Variants in FRMD4A observed in about 807,000 individuals in gnomAD.
The protein encoded by FRMD4A is FERM domain containing 4A, also known as FERM domain-containing protein 4A.
FRMD4A carries 29 observed loss-of-function variants against 129.1 expected under a neutral mutation model. The observed-to-expected ratio is 0.22, with a 90% CI of 0.17 to 0.31. FRMD4A has a LOEUF of 0.31. FRMD4A is among the 10% of genes least tolerant of loss of function. The pLI is 1.00. For missense variants in FRMD4A, 1,272 were observed against 1,375.8 expected, an observed-to-expected ratio of 0.92 and a Z score of 1.19; for synonymous variants, 634 against 571.6, an observed-to-expected ratio of 1.11 and a Z score of -1.56.
chr10:13,936,643 C>T (rs2095251488), intron 2 of FRMD4A, among the ~76,000 whole-genome samples: 1 of 152,268 alleles, frequency 6.6e-6, no homozygotes, highest in African/African-American at 2.4e-5. Flanking sequence ...CCAAATCTAC[C>T]CCCACCTTGA....
At position 14,152,372 on chromosome 10, in the gene FRMD4A, C is replaced by T. The variant is rs183374602; in HGVS notation, c.45+177686G>A. On this transcript the variant is annotated intron_variant, in intron 2 of 24. Transcript: ENST00000357447. The stretch of plus-strand genomic sequence containing the variant: ...CTCGATCTCCCGACAACGTAATCCG[C>T]CCACCTCAGCCTCCCAAAGTGCTGG... 4.6e-5 allele frequency among the ~76,000 whole-genome samples: 7 copies of T among 152,218 alleles called. No homozygotes were observed. The East Asian group carries it at 5.8e-4, about 13-fold the overall frequency.
In FRMD4A at chr10:14,292,799, C is replaced by CAA. The variant is rs149436368; in HGVS notation, c.45+37257_45+37258dup. ...TGGGCGACAGAGCGAGACTCTGCCT[C>CAA]AAAAAAAAAACCAAAACATTTTTTA... On this transcript the variant is annotated intron_variant, in intron 2 of 24. Coordinates refer to ENST00000357447, the MANE Select transcript of FRMD4A (RefSeq NM_018027.5). Among the ~76,000 whole-genome samples, 4 of 145,594 alleles carry CAA rather than the reference C, an allele frequency of 2.7e-5. No individual in the cohort carries two copies. The East Asian group carries it at 8.0e-4, about 29-fold the overall frequency.
intron 19 of FRMD4A, among the ~76,000 whole-genome samples, chr10:13,661,111 C>T (rs1589249570): frequency 6.6e-6 from 1 of 152,220 alleles, no homozygotes; most frequent in Middle Eastern, 3.4e-3. Context: ...TGCTTTTTTC[C>T]CCCAGAGCTG....
In FRMD4A at chr10:14,064,239, T is replaced by C. The variant is rs541274316; in HGVS notation, c.46-205327A>G. Among the ~76,000 whole-genome samples the C allele has an allele frequency of 2.0e-5, 3 of 152,346 alleles. No individual in the cohort carries two copies. In the South Asian group the frequency reaches 6.2e-4, roughly 32 times the overall value. The stretch of plus-strand genomic sequence containing the variant: ...ATACTGAGGTCCTGAAAATAGGCTA[T>C]TTTTATATTGATGTTTTCCGTAACT... On this transcript the variant is annotated intron_variant, in intron 2 of 24. Transcript: ENST00000357447.
intron 2 of FRMD4A, among the ~76,000 whole-genome samples, chr10:13,986,588 G>A (rs2095582233): frequency 6.8e-6 from 1 of 146,318 alleles, no homozygotes; most frequent in African/African-American, 2.5e-5. Flanking sequence ...CATGGCACAT[G>A]TATACATATG....
intron 2 of FRMD4A, among the ~76,000 whole-genome samples, chr10:13,951,210 G>T (rs1222952701): frequency 6.6e-6 from 1 of 152,160 alleles, no homozygotes; most frequent in Non-Finnish European, 1.5e-5. Context: ...ATCCTTCGGG[G>T]AAGGAGGGAC....
chr10:13,878,772 A>AAG (rs556625550), intron 2 of FRMD4A, among the ~76,000 whole-genome samples: 5 of 134,104 alleles, frequency 3.7e-5, no homozygotes, highest in South Asian at 5.3e-4. Context: ...AAAGAAAAGA[A>AAG]AGAGAGAGAG....
At chr10:13,713,960 T>C (rs528637725) in intron 12 of FRMD4A, among the ~76,000 whole-genome samples, 1 of 120,340 alleles carries the variant, frequency 8.3e-6, no homozygotes, top group Admixed American at 9.6e-5. Context: ...CACACACATA[T>C]ATAATATATA....
At chr10:14,088,918 G>A (rs796689038) in intron 2 of FRMD4A, among the ~76,000 whole-genome samples, 16 of 152,300 alleles carry the variant, frequency 1.1e-4, no homozygotes, top group African/African-American at 3.8e-4. Context: ...AGGTGTGGAG[G>A]AGCAGGGGCG....
intron 2 of FRMD4A, among the ~76,000 whole-genome samples, chr10:14,159,314 T>C (rs781400727): frequency 1.3e-5 from 2 of 152,188 alleles, no homozygotes; most frequent in African/African-American, 2.4e-5. Flanking sequence ...AGCATTTCTA[T>C]ATGCCAATAA....
At chr10:14,089,110 G>A (rs1305578241) in intron 2 of FRMD4A, among the ~76,000 whole-genome samples, 2 of 152,182 alleles carry the variant, frequency 1.3e-5, no homozygotes, top group Non-Finnish European at 2.9e-5. Context: ...TTGGCCCAGT[G>A]ATGATAAAAT....
At chr10:14,161,849 G>A (rs1168003490) in intron 2 of FRMD4A, among the ~76,000 whole-genome samples, 1 of 152,054 alleles carries the variant, frequency 6.6e-6, no homozygotes. Flanking sequence ...TCAAGGTGAT[G>A]GACCCCCTAA....
intron 2 of FRMD4A, among the ~76,000 whole-genome samples, chr10:14,077,237 A>G (rs949523171): frequency 3.3e-5 from 5 of 152,150 alleles, no homozygotes; most frequent in African/African-American, 1.2e-4. Context: ...GCATTATAAG[A>G]ATTATATTTT....
intron 24 of FRMD4A, among the ~76,000 whole-genome samples, chr10:13,649,064 A>T (rs1266918827): frequency 6.6e-6 from 1 of 152,220 alleles, no homozygotes. Flanking sequence ...AGTATCACCT[A>T]TTAACATCCA....
intron 8 of FRMD4A, among the ~76,000 whole-genome samples, chr10:13,748,858 C>A (rs771349451): frequency 2.0e-5 from 3 of 152,092 alleles, no homozygotes; most frequent in Non-Finnish European, 4.4e-5. Flanking sequence ...CTTCTGCTCC[C>A]AAGCATTTGG....
intron 2 of FRMD4A, among the ~76,000 whole-genome samples, chr10:14,010,714 T>G (rs1172329058): frequency 4.3e-5 from 6 of 141,052 alleles, no homozygotes; most frequent in Admixed American, 7.8e-5. Flanking sequence ...CTCACTATAT[T>G]GCTCAGGGTG....
At chr10:13,758,026 G>A (rs1481611697) in intron 8 of FRMD4A, among the ~76,000 whole-genome samples, 2 of 152,326 alleles carry the variant, frequency 1.3e-5, no homozygotes, top group East Asian at 3.9e-4. Context: ...TTACAGGCAT[G>A]AGCCACCACA....
intron 2 of FRMD4A, among the ~76,000 whole-genome samples, chr10:14,076,844 G>A (rs1270826256): frequency 6.6e-6 from 1 of 152,138 alleles, no homozygotes; most frequent in African/African-American, 2.4e-5. Flanking sequence ...ACTTGTGTCA[G>A]AATACAAAGC....
In FRMD4A at chr10:14,222,113, T is replaced by C. The variant is rs1453289346; in HGVS notation, c.45+107945A>G. Among the ~76,000 whole-genome samples, 4 of 152,330 alleles carry C rather than the reference T, an allele frequency of 2.6e-5. No homozygotes were observed. The East Asian group carries it at 7.7e-4, about 29-fold the overall frequency. ...TTAGTTCATCAGCGAAGTATGAAAT[T>C]ATTTTAAAATGGCATATCTTTCGAT... On this transcript the variant is annotated intron_variant, in intron 2 of 24. Transcript: ENST00000357447.
Sources: gnomAD v4.1 joint callset for allele counts (sites outside exome capture counted in the v4.1 genomes callset) on GRCh38, gnomAD v4.1.1 for gene constraint, MANE v1.5 for transcripts, NCBI Gene and HGNC (gene_info 2026-07-23, HGNC 2026-07-21) for gene names.